The following TMEM131 variants were observed in gnomAD, a reference collection of about 807,000 sequenced individuals.
TMEM131 encodes 2610524E03Rik.
TMEM131 carries 66 observed loss-of-function variants against 211.6 expected under a neutral mutation model. The ratio of observed to expected loss-of-function variants is 0.31; its 90% confidence interval spans 0.26 to 0.38. TMEM131 has a LOEUF of 0.38. Ranked by LOEUF, TMEM131 falls within the 10% of genes least tolerant of loss-of-function variation. The probability of loss-of-function intolerance (pLI) is 1.00; values close to 1 mark genes in which losing one functional copy is unlikely to be tolerated. For missense variants in TMEM131, 2,036 were observed against 2,299.3 expected (o/e 0.89, Z 2.34); for synonymous variants, 844 against 841.3 (o/e 1.00, Z -0.06).
chr2:97,988,094 T>C (rs765822890), intron 1 of TMEM131, among the ~76,000 whole-genome samples: 4 of 135,938 alleles, frequency 2.9e-5, no homozygotes, highest in Non-Finnish European at 5.1e-5. Flanking sequence ...AGTCTGGTAC[T>C]GGCATAAAGA....
At chr2:97,815,730 G>A (rs1306317221) in intron 12 of TMEM131, among the ~76,000 whole-genome samples, 4 of 152,178 alleles carry the variant, frequency 2.6e-5, no homozygotes, top group Non-Finnish European at 5.9e-5. Context: ...CTAGACGGCA[G>A]TAGCATCCCT....
intron 8 of TMEM131, among the ~76,000 whole-genome samples, 171 bp from the exon 9 acceptor site, chr2:97,835,096 A>T (rs541416417): frequency 1.3e-5 from 2 of 152,350 alleles, no homozygotes; most frequent in South Asian, 4.1e-4. Context: ...ATTTCTGGAG[A>T]ACTTTAAAAT....
intron 1 of TMEM131, among the ~76,000 whole-genome samples, chr2:97,935,404 A>G (rs1464822581): frequency 6.6e-6 from 1 of 152,236 alleles, no homozygotes; most frequent in African/African-American, 2.4e-5. Flanking sequence ...GTATGATTCT[A>G]AAATGATCTC....
chr2:97,874,519 G>A (rs1180398176), intron 4 of TMEM131, among the ~76,000 whole-genome samples: 3 of 152,208 alleles, frequency 2.0e-5, no homozygotes, highest in Non-Finnish European at 4.4e-5. Context: ...GACTAACAGC[G>A]GATCTCTCTG....
chr2:97,908,815 A>AT (rs747529915), intron 2 of TMEM131, 117 bp from the exon 3 acceptor site: 89 of 797,474 alleles, frequency 1.1e-4, no homozygotes, highest in Non-Finnish European at 1.6e-4. Flanking sequence ...ACCCATTTGG[A>AT]TTTTAAGGTT....
chr2:97,791,033 T>C (rs1223849474), intron 31 of TMEM131, among the ~76,000 whole-genome samples: 2 of 152,320 alleles, frequency 1.3e-5, no homozygotes, highest in Admixed American at 1.3e-4. Flanking sequence ...CAAAACTCCT[T>C]GGTAAACCAT....
At chr2:97,822,402 G>A (rs1229561276) in intron 11 of TMEM131, among the ~76,000 whole-genome samples, 2 of 152,178 alleles carry the variant, frequency 1.3e-5, no homozygotes, top group African/African-American at 2.4e-5. Context: ...GATAAAAGGC[G>A]TCACTCTTCC....
chr2:97,914,017 T>C (rs1676401487), intron 2 of TMEM131, among the ~76,000 whole-genome samples: 1 of 152,196 alleles, frequency 6.6e-6, no homozygotes, highest in South Asian at 2.1e-4. Context: ...CTGCTTTTGA[T>C]TATGAAGATC....
At chr2:97,944,579 T>C (rs2104509272) in intron 1 of TMEM131, among the ~76,000 whole-genome samples, 1 of 152,218 alleles carries the variant, frequency 6.6e-6, no homozygotes, top group East Asian at 1.9e-4. Flanking sequence ...TGATAAGAGA[T>C]ACATACAGAG....
In TMEM131 at chr2:97,757,390, C is replaced by G. The variant is rs200033604; in HGVS notation, c.5368-7G>C. Reference sequence around the variant, plus strand: ...TGGTGTTACCGAGGACCGACTGCGACAAAACAGAAAGCGTCCAGCACTGAG... The same window carrying G: ...TGGTGTTACCGAGGACCGACTGCGAGAAAACAGAAAGCGTCCAGCACTGAG... On this transcript the variant is annotated splice_polypyrimidine_tract_variant and splice_region_variant and intron_variant, in intron 40 of 40. Coordinates refer to ENST00000186436, the MANE Select transcript of TMEM131 (RefSeq NM_015348.2). 2.9e-4 allele frequency: 465 copies of G among 1,585,034 alleles called. No individual in the cohort carries two copies. The African/African-American group carries it at 5.4e-3, about 18-fold the overall frequency.
intron 1 of TMEM131, among the ~76,000 whole-genome samples, chr2:97,932,953 T>G (rs1379784501): frequency 6.6e-6 from 1 of 151,870 alleles, no homozygotes; most frequent in Non-Finnish European, 1.5e-5. Flanking sequence ...TAATACTGTA[T>G]TTACTGTACC....
At chr2:97,900,022 A>G (rs1409739766) in intron 3 of TMEM131, among the ~76,000 whole-genome samples, 2 of 152,064 alleles carry the variant, frequency 1.3e-5, no homozygotes, top group Admixed American at 1.3e-4. Flanking sequence ...TAATACACCA[A>G]CTTACTTTTA....
At chr2:97,850,543 C>T (rs1022115607) in intron 5 of TMEM131, among the ~76,000 whole-genome samples, 1 of 151,984 alleles carries the variant, frequency 6.6e-6, no homozygotes, top group Non-Finnish European at 1.5e-5. Flanking sequence ...TGTAAGGTGC[C>T]CTTGACTGTA....
chr2:97,764,027 T>C (rs960435864), intron 35 of TMEM131: 3 of 152,250 alleles, frequency 2.0e-5, no homozygotes, highest in Non-Finnish European at 4.4e-5. Flanking sequence ...ACCCTTTGTA[T>C]TTTTTGCCTT....
At chr2:97,978,357 TA>T (rs1457408539) in intron 1 of TMEM131, among the ~76,000 whole-genome samples, 3 of 152,154 alleles carry the variant, frequency 2.0e-5, no homozygotes, top group Non-Finnish European at 2.9e-5. Context: ...ACTTCATCTA[TA>T]AGAAGCAACT....
rs769262980 is a variant in TMEM131 at position 97,795,067 on chromosome 2, A to C, written c.3249T>G (p.Phe1083Leu). ...CAAACTCAGAGCCACTGGTTGTTAT[A>C]AACTTCAGTTCCCGAATAACTCTAG... Reference protein sequence around the residue: ...TASRVIRELKFITTSGSEFVF... With the variant: ...TASRVIRELKLITTSGSEFVF... Residue 1083 changes from phenylalanine (F) to leucine (L), a missense_variant, in exon 29 of 41, where the codon TTT becomes TTG. Phe to Leu is a conservative substitution (Grantham distance 22). Transcript: ENST00000186436. 5.0e-6 allele frequency: 8 copies of C among 1,613,834 alleles called. No homozygotes were observed. In the African/African-American group the frequency reaches 1.1e-4, roughly 22 times the overall value.
chr2:97,786,692 T>A (rs1201390248), intron 31 of TMEM131, among the ~76,000 whole-genome samples: 1 of 152,338 alleles, frequency 6.6e-6, no homozygotes, highest in East Asian at 1.9e-4. Context: ...CCATAAATGC[T>A]GTGCATGTGG....
At chr2:97,937,059 C>T (rs970312389) in intron 1 of TMEM131, among the ~76,000 whole-genome samples, 2 of 151,922 alleles carry the variant, frequency 1.3e-5, no homozygotes. Flanking sequence ...ATGGCTCATA[C>T]ATAGGAAAAA....
intron 11 of TMEM131, among the ~76,000 whole-genome samples, chr2:97,829,935 G>C (rs1682583498): frequency 6.6e-6 from 1 of 152,058 alleles, no homozygotes; most frequent in Non-Finnish European, 1.5e-5. Context: ...TTAAAATATA[G>C]TCACTATTAG....
Sources: gnomAD v4.1 joint callset for allele counts (sites outside exome capture counted in the v4.1 genomes callset) on GRCh38, gnomAD v4.1.1 for gene constraint, MANE v1.5 for transcripts, NCBI Gene and HGNC (gene_info 2026-07-23, HGNC 2026-07-21) for gene names.